The following KCNMA1 variants were observed in gnomAD, a reference collection of about 807,000 sequenced individuals.
KCNMA1 encodes the protein potassium calcium-activated channel subfamily M alpha 1, also known as Calcium-activated potassium channel subunit alpha-1.
Under a neutral mutation model 140.0 loss-of-function variants are expected in KCNMA1, and 29 were observed. The observed-to-expected ratio is 0.21, with a 90% CI of 0.15 to 0.28. The LOEUF is 0.28. Among genes scored for constraint, KCNMA1 ranks in the 10% least tolerant of loss-of-function variants. KCNMA1 has a pLI of 1.00. For missense variants in KCNMA1, 880 were observed against 1,602.2 expected, an observed-to-expected ratio of 0.55 and a Z score of 7.70; for synonymous variants, 612 against 611.9, an observed-to-expected ratio of 1.00 and a Z score of 0.00.
chr10:77,603,747 C>T (rs1381635832), intron 1 of KCNMA1, among the ~76,000 whole-genome samples: 1 of 152,204 alleles, frequency 6.6e-6, no homozygotes, highest in Non-Finnish European at 1.5e-5. Context: ...CCAGTACTAG[C>T]TCTTGACAGA....
intron 2 of KCNMA1, among the ~76,000 whole-genome samples, chr10:77,284,155 A>G (rs991669992): frequency 2.0e-5 from 3 of 152,192 alleles, no homozygotes; most frequent in African/African-American, 7.2e-5. Context: ...GCATTGGGGA[A>G]GAGAAAGTCA....
At chr10:77,082,007 CTTTTTTTTTTTTTTTT>C (rs201288668) in intron 12 of KCNMA1, among the ~76,000 whole-genome samples, 7 of 32,514 alleles carry the variant, frequency 2.2e-4, no homozygotes, top group East Asian at 1.9e-3. Flanking sequence ...TTTTTCTTTT[CTTTTTTTTTTTTTTTT>C]TTTTTTTTTT....
intron 5 of KCNMA1, among the ~76,000 whole-genome samples, chr10:77,152,349 G>T (rs1170778846): frequency 6.7e-6 from 1 of 149,800 alleles, no homozygotes; most frequent in Non-Finnish European, 1.5e-5. Context: ...GGATGTCTCA[G>T]TTGGGGTTCC....
intron 1 of KCNMA1, among the ~76,000 whole-genome samples, chr10:77,600,644 A>G (rs55927190): frequency 0.21 from 31,760 of 152,080 alleles, 4,450 homozygotes; most frequent in East Asian, 0.54. Flanking sequence ...GCTACTCAGG[A>G]GGCTGAGGCA....
intron 3 of KCNMA1, among the ~76,000 whole-genome samples, chr10:77,241,368 G>A (rs2057225172): frequency 6.6e-6 from 1 of 152,154 alleles, no homozygotes; most frequent in African/African-American, 2.4e-5. Context: ...TCCAGGCTGG[G>A]CACAGTGGCT....
intron 19 of KCNMA1, among the ~76,000 whole-genome samples, chr10:76,990,777 G>A (rs751681353): frequency 6.6e-6 from 1 of 152,198 alleles, no homozygotes; most frequent in Non-Finnish European, 1.5e-5. Context: ...TTACTCATCT[G>A]CACTGAAGAA....
intron 1 of KCNMA1, among the ~76,000 whole-genome samples, chr10:77,554,794 T>A (rs1030730846): frequency 1.3e-5 from 2 of 152,014 alleles, no homozygotes; most frequent in African/African-American, 4.8e-5. Flanking sequence ...CCTCCGCACA[T>A]GGAAGAGCCT....
intron 14 of KCNMA1, among the ~76,000 whole-genome samples, chr10:77,056,006 T>C (rs905750737): frequency 7.2e-5 from 11 of 152,136 alleles, no homozygotes; most frequent in African/African-American, 2.7e-4. Flanking sequence ...CAGATCCAAA[T>C]AGCACTGCCA....
At chr10:77,455,649 C>T (rs373706583) in intron 1 of KCNMA1, among the ~76,000 whole-genome samples, 11 of 152,302 alleles carry the variant, frequency 7.2e-5, no homozygotes, top group Middle Eastern at 3.4e-3. Context: ...GAGGCCACTA[C>T]TCCCGGTTCC....
chr10:77,093,075 A>T (rs1007069281), intron 9 of KCNMA1, among the ~76,000 whole-genome samples: 1 of 152,226 alleles, frequency 6.6e-6, no homozygotes, highest in Non-Finnish European at 1.5e-5. Flanking sequence ...TAAGAAGTAG[A>T]CAAATGCTGG....
At position 76,944,838 on chromosome 10, in the gene KCNMA1, G is replaced by A. The variant is rs201694465; in HGVS notation, c.2837C>T (p.Ala946Val). 7 of 1,614,106 alleles carry A rather than the reference G, an allele frequency of 4.3e-6. No homozygotes were observed. The highest frequency in any genetic ancestry group is 4.5e-5 in the East Asian group (2 of 44,882). The change falls in exon 23 of 28, where the codon GCG becomes GTG. Residue 946 changes from alanine to valine, a missense_variant. By Grantham distance (64) the Ala-to-Val change is moderately conservative (BLOSUM62 0). This residue lies in a region of KCNMA1 where 5 missense variants were observed against 27.7 expected (regional missense o/e 0.18). Transcript: ENST00000286628. ...TSLQDKECIL[A>V]SLNIKSMQFD... Reference sequence around the variant, plus strand: ...CTGCATAGATTTGATGTTGAGTGACGCCAAGATGCATTCCTTGTCCTGCAG... The same window carrying A: ...CTGCATAGATTTGATGTTGAGTGACACCAAGATGCATTCCTTGTCCTGCAG...
chr10:77,551,533 C>T (rs1038037320), intron 1 of KCNMA1, among the ~76,000 whole-genome samples: 2 of 152,214 alleles, frequency 1.3e-5, no homozygotes, highest in African/African-American at 4.8e-5. Context: ...ATGCTCTTTC[C>T]ACCTCCAATC....
intron 2 of KCNMA1, among the ~76,000 whole-genome samples, chr10:77,360,223 T>C (rs1285158482): frequency 6.6e-6 from 1 of 152,228 alleles, no homozygotes; most frequent in Non-Finnish European, 1.5e-5. Flanking sequence ...ATGCAACAGA[T>C]GTTCTAGAAC....
chr10:77,003,049 G>A (rs1191117791), intron 18 of KCNMA1, among the ~76,000 whole-genome samples: 1 of 152,146 alleles, frequency 6.6e-6, no homozygotes, highest in Admixed American at 6.5e-5. Context: ...TCTCAAATGG[G>A]TCAAGTCCTG....
At chr10:77,056,067 T>C (rs976921048) in intron 14 of KCNMA1, among the ~76,000 whole-genome samples, 1 of 152,072 alleles carries the variant, frequency 6.6e-6, no homozygotes, top group African/African-American at 2.4e-5. Flanking sequence ...AGAAGCCCCA[T>C]AAGAACCTGT....
At chr10:77,565,100 C>T (rs1239345340) in intron 1 of KCNMA1, among the ~76,000 whole-genome samples, 2 of 152,210 alleles carry the variant, frequency 1.3e-5, no homozygotes, top group Non-Finnish European at 2.9e-5. Flanking sequence ...GAAGCCCCAT[C>T]AAGGGCCACT....
At position 77,022,955 on chromosome 10, in the gene KCNMA1, T is replaced by C. The variant is rs78213075; in HGVS notation, c.1929-3856A>G. The stretch of plus-strand genomic sequence containing the variant: ...CCTGCCACTTGCAAAGTTGGGGCAA[T>C]TGATTTCAACATTGAAAGCAAAACT... On this transcript the variant is annotated intron_variant, in intron 16 of 27. Transcript: ENST00000286628. 2.6e-3 allele frequency: 1,181 copies of C among 455,560 alleles called. 1 individual carries two copies. The highest frequency in any genetic ancestry group is 4.2e-3 in the Non-Finnish European group (940 of 226,328). 28.2% of individuals were successfully genotyped at this position (455,560 alleles called of 1,614,324 possible).
chr10:77,560,552 G>A (rs944768339), intron 1 of KCNMA1, among the ~76,000 whole-genome samples: 1 of 152,208 alleles, frequency 6.6e-6, no homozygotes, highest in Non-Finnish European at 1.5e-5. Flanking sequence ...GCAGCCTGCG[G>A]ACTTTGCTTT....
intron 23 of KCNMA1, among the ~76,000 whole-genome samples, chr10:76,936,396 G>C (rs1397559517): frequency 6.6e-6 from 1 of 152,206 alleles, no homozygotes; most frequent in South Asian, 2.1e-4. Flanking sequence ...GGCTACTCCA[G>C]TGTGGTATTT....
Sources: gnomAD v4.1 joint callset for allele counts (sites outside exome capture counted in the v4.1 genomes callset) on GRCh38, gnomAD v4.1.1 for gene constraint, gnomAD v4.1.1 regional missense constraint, MANE v1.5 for transcripts, NCBI Gene and HGNC (gene_info 2026-07-23, HGNC 2026-07-21) for gene names.